Variants in OPCML observed in about 807,000 individuals in gnomAD.
The protein encoded by OPCML is opioid-binding protein/cell adhesion molecule.
Under a neutral mutation model 37.8 loss-of-function variants are expected in OPCML, and 13 were observed. The ratio of observed to expected loss-of-function variants is 0.34; its 90% CI spans 0.22 to 0.55. OPCML has a LOEUF of 0.55. Among genes scored for constraint, OPCML ranks in the 20% least tolerant of loss-of-function variants. The pLI, the probability that OPCML is intolerant of heterozygous loss-of-function variation, is 0.91. For synonymous variants in OPCML, 176 were observed against 168.8 expected, an observed-to-expected ratio of 1.04 and a Z score of -0.33; for missense variants, 341 against 435.6, an observed-to-expected ratio of 0.78 and a Z score of 1.93.
At chr11:132,593,416 T>C (rs1465427018) in intron 3 of OPCML, among the ~76,000 whole-genome samples, 2 of 152,204 alleles carry the variant, frequency 1.3e-5, no homozygotes, top group Admixed American at 6.5e-5. Context: ...CTGTAGACCA[T>C]GGCAAGGAGC....
At chr11:133,341,873 G>A (rs1019267954) in intron 1 of OPCML, among the ~76,000 whole-genome samples, 17 of 152,050 alleles carry the variant, frequency 1.1e-4, no homozygotes, top group South Asian at 4.2e-4. Context: ...AGCCGAGATC[G>A]CGCCATTGCA....
At chr11:132,483,419 A>G (rs544126403) in intron 4 of OPCML, among the ~76,000 whole-genome samples, 28 of 152,272 alleles carry the variant, frequency 1.8e-4, no homozygotes, top group African/African-American at 6.3e-4. Flanking sequence ...ATCAAAGAGG[A>G]TACAAACAAA....
chr11:133,380,123 G>C (rs1385049974), intron 1 of OPCML, among the ~76,000 whole-genome samples: 1 of 152,136 alleles, frequency 6.6e-6, no homozygotes, highest in East Asian at 1.9e-4. Context: ...TGCTGGCAGA[G>C]GATGAAAATA....
At chr11:132,751,731 CA>C (rs1164051059) in intron 2 of OPCML, among the ~76,000 whole-genome samples, 1 of 152,156 alleles carries the variant, frequency 6.6e-6, no homozygotes, top group Non-Finnish European at 1.5e-5. Context: ...CGTCGGCATC[CA>C]AAGCCCTATG....
In OPCML at chr11:132,905,232, T is replaced by C. The variant is rs1591783100; in HGVS notation, c.146+37694A>G. On this transcript the variant is annotated intron_variant, in intron 2 of 7. Transcript: ENST00000524381. ...TGGGACTAGAAAGCAGTTCTTTTTTTTTTTTTTTTTTTTTTTTTGACAGAG... is the reference window on the plus strand; with the variant it reads ...TGGGACTAGAAAGCAGTTCTTTTTTCTTTTTTTTTTTTTTTTTTGACAGAG... 3.2e-5 allele frequency among the ~76,000 whole-genome samples: 4 copies of C among 126,386 alleles called. No homozygotes were observed. In the South Asian group the frequency reaches 1.1e-3, roughly 35 times the overall value. 82.9% of individuals were successfully genotyped at this position (126,386 alleles called of 152,430 possible).
chr11:132,635,726 G>A (rs950509260), intron 3 of OPCML, among the ~76,000 whole-genome samples: 18 of 152,124 alleles, frequency 1.2e-4, no homozygotes, highest in African/African-American at 4.1e-4. Flanking sequence ...AATCTTTGCT[G>A]TCAACAAGCA....
intron 2 of OPCML, among the ~76,000 whole-genome samples, chr11:132,802,728 C>G (rs1208081989): frequency 1.3e-5 from 2 of 152,034 alleles, no homozygotes; most frequent in Admixed American, 1.3e-4. Context: ...CAGAAAAGTG[C>G]GTGAAGTCAA....
chr11:132,531,332 G>C (rs577924778), intron 3 of OPCML, among the ~76,000 whole-genome samples: 1 of 152,308 alleles, frequency 6.6e-6, no homozygotes, highest in East Asian at 1.9e-4. Context: ...GAGAGTGGAG[G>C]CTCCAAGCCT....
chr11:132,448,090 G>T (rs557611477), intron 4 of OPCML, among the ~76,000 whole-genome samples: 1 of 152,208 alleles, frequency 6.6e-6, no homozygotes, highest in Non-Finnish European at 1.5e-5. Context: ...ATGGCCCAGA[G>T]CACTGAAAGA....
chr11:132,475,331 A>G (rs937956009), intron 4 of OPCML, among the ~76,000 whole-genome samples: 2 of 152,232 alleles, frequency 1.3e-5, no homozygotes, highest in African/African-American at 4.8e-5. Context: ...TGTGCTATAC[A>G]TGGAACTCTG....
intron 3 of OPCML, among the ~76,000 whole-genome samples, chr11:132,535,116 T>G (rs909576529): frequency 1.3e-5 from 2 of 150,490 alleles, no homozygotes; most frequent in Non-Finnish European, 3.0e-5. Context: ...TTACTATATA[T>G]TTCATATCTA....
intron 4 of OPCML, among the ~76,000 whole-genome samples, chr11:132,519,004 C>T (rs1410564689): frequency 6.6e-6 from 1 of 152,106 alleles, no homozygotes; most frequent in African/African-American, 2.4e-5. Flanking sequence ...CATATTTATT[C>T]TCTAAAATGC....
intron 1 of OPCML, among the ~76,000 whole-genome samples, chr11:133,124,497 A>G (rs919192625): frequency 6.6e-6 from 1 of 152,146 alleles, no homozygotes; most frequent in Non-Finnish European, 1.5e-5. Context: ...TATGAGTGGC[A>G]CACACTTCAC....
At chr11:132,442,846 T>C (rs1303637577) in intron 4 of OPCML, among the ~76,000 whole-genome samples, 1 of 152,208 alleles carries the variant, frequency 6.6e-6, no homozygotes, top group African/African-American at 2.4e-5. Flanking sequence ...CATGTGGAAC[T>C]GTGAGTCGAT....
rs564621684 is a variant in OPCML, at chr11:132,729,764, C to A, written c.147-72445G>T. On this transcript the variant is annotated intron_variant, in intron 2 of 7. Transcript: ENST00000524381. ...TGGAGTTTGTCAGAAAACATCAGAC[C>A]GCCTTTGTTGGTTGATGAGTGAGAA... is the stretch of plus-strand genomic sequence containing the variant. 4.6e-5 allele frequency among the ~76,000 whole-genome samples: 7 copies of A among 152,218 alleles called. No individual in the cohort carries two copies. The South Asian group carries it at 1.5e-3, about 32-fold the overall frequency.
At chr11:132,766,829 A>C (rs1295463159) in intron 2 of OPCML, among the ~76,000 whole-genome samples, 1 of 152,202 alleles carries the variant, frequency 6.6e-6, no homozygotes, top group Non-Finnish European at 1.5e-5. Context: ...TTACTAGCAA[A>C]AATGGAAAAT....
chr11:132,932,406 A>T (rs1273950352), intron 2 of OPCML, among the ~76,000 whole-genome samples: 2 of 152,238 alleles, frequency 1.3e-5, no homozygotes, highest in South Asian at 4.1e-4. Flanking sequence ...TACATGGGTA[A>T]ATATATGCGT....
chr11:132,579,543 C>T (rs1412540131), intron 3 of OPCML, among the ~76,000 whole-genome samples: 1 of 152,096 alleles, frequency 6.6e-6, no homozygotes, highest in African/African-American at 2.4e-5. Context: ...AAGGAAAACC[C>T]TTGATTGAAT....
chr11:132,488,555 G>C (rs775043997), intron 4 of OPCML, among the ~76,000 whole-genome samples: 13 of 152,198 alleles, frequency 8.5e-5, no homozygotes, highest in Non-Finnish European at 1.9e-4. Flanking sequence ...GAGCTTGTAG[G>C]GCTGGAAGTT....
Sources: allele counts gnomAD v4.1 joint callset (sites outside exome capture counted in the v4.1 genomes callset), GRCh38; gene constraint gnomAD v4.1.1; transcripts MANE v1.5; gene names NCBI Gene and HGNC (gene_info 2026-07-23, HGNC 2026-07-21).